MYEF2: variants seen among roughly 807,000 people sequenced by gnomAD.
MYEF2 encodes the protein myelin gene expression factor 2.
MYEF2 carries 37 observed loss-of-function variants against 75.2 expected under a neutral mutation model. The ratio of observed to expected loss-of-function variants is 0.49; its 90% confidence interval spans 0.38 to 0.65. The LOEUF (loss-of-function observed/expected upper bound fraction) is 0.65, where lower values mean the gene tolerates loss of function less well. Among genes scored for constraint, MYEF2 ranks in the 30% least tolerant of loss-of-function variants. The pLI is 0.00. For synonymous variants in MYEF2, 195 were observed against 241.6 expected, an observed-to-expected ratio of 0.81 and a Z score of 1.79; for missense variants, 634 against 771.4, an observed-to-expected ratio of 0.82 and a Z score of 2.11.
chr15:48,176,219 T>TAAAAAAAAAAAAAAAAAAAAAAAAAAAA (rs1023560411), intron 1 of MYEF2, among the ~76,000 whole-genome samples: 1 of 63,104 alleles, frequency 1.6e-5, no homozygotes, highest in Non-Finnish European at 3.5e-5. Flanking sequence ...GTTCACGAAG[T>TAAAAAAAAAAAAAAAAAAAAAAAAAAAA]AAAAAAAAAA....
intron 1 of MYEF2, among the ~76,000 whole-genome samples, chr15:48,172,503 G>A (rs1195259970): frequency 6.7e-6 from 1 of 150,116 alleles, no homozygotes; most frequent in African/African-American, 2.4e-5. Context: ...AGAAAATAAT[G>A]AAAATCAGGG....
chr15:48,141,053 C>A lies in MYEF2; in HGVS notation c.*1855G>T. On this transcript the variant is annotated 3_prime_UTR_variant, in exon 17 of 17. Coordinates refer to ENST00000324324, the MANE Select transcript of MYEF2 (RefSeq NM_016132.5). ...TTCACGAAGGAAATATCCAAAATAA[C>A]TGCAAAGGATGGTTAGTGAATCTTT... The A allele has an allele frequency of 7.4e-7, 1 of 1,357,120 alleles. No individual in the cohort carries two copies. The highest frequency in any genetic ancestry group is 1.0e-6 in the Non-Finnish European group (1 of 959,522). The allele number at this position is 1,357,120 out of a possible 1,614,324, so 84.1% of individuals were successfully genotyped here. A position where few individuals can be genotyped will look rare whatever the true frequency, so the allele number is the denominator to read the frequency against.
At chr15:48,171,676 AC>A (rs1191429606) in intron 1 of MYEF2, among the ~76,000 whole-genome samples, 2 of 152,126 alleles carry the variant, frequency 1.3e-5, no homozygotes, top group African/African-American at 4.8e-5. Context: ...TTATTAAGAA[AC>A]TGAGCCATAA....
At chr15:48,147,999 G>A (rs572627888) in intron 16 of MYEF2, among the ~76,000 whole-genome samples, 13 of 152,032 alleles carry the variant, frequency 8.6e-5, no homozygotes, top group African/African-American at 1.9e-4. Flanking sequence ...GAGCTTCCAC[G>A]TAGGATGGAA....
chr15:48,178,045 C>A, intron 1 of MYEF2, 32 bp downstream of exon 1: 1 of 1,574,056 alleles, frequency 6.4e-7, no homozygotes, highest in Non-Finnish European at 8.6e-7. Flanking sequence ...CGCCCCCCAC[C>A]TCGCCCCGGT....
Position 48,158,773 on chromosome 15 carries a change from T to G in MYEF2, c.867A>C (p.Ala289=). The G allele has an allele frequency of 6.2e-7, 1 of 1,613,458 alleles. No homozygotes were observed. Among genetic ancestry groups the G allele is most frequent in the Non-Finnish European group, 8.5e-7 (1 of 1,179,590 alleles). ...TFEQAIEAVQ[A]ISMFNGQFLF... is the part of the protein sequence containing the mutation. The stretch of plus-strand genomic sequence containing the variant: ...CTGAAATGTAAATCAGGATACAAAT[T>G]GCTTGAACTGCTTCAATTGCTTGCT... Residue 289 remains alanine, a synonymous_variant, in exon 7 of 17, where the codon GCA becomes GCC. Coordinates refer to ENST00000324324, the MANE Select transcript of MYEF2 (RefSeq NM_016132.5).
rs1384966025 is a variant in MYEF2, at chr15:48,140,694, AC to A, written c.*2213del. On this transcript the variant is annotated 3_prime_UTR_variant, in exon 17 of 17. Transcript: ENST00000324324. ...ATAAATGGTATATATACATGTTAAC[AC>A]ATTTATAGCTTAAAGATAGCTATAA... The A allele has an allele frequency of 5.8e-6, 1 of 171,196 alleles. No individual in the cohort carries two copies. The highest frequency in any genetic ancestry group is 5.7e-5 in the Admixed American group (1 of 17,630). The allele number at this position is 171,196 out of a possible 1,614,324, so 10.6% of individuals were successfully genotyped here.
At chr15:48,166,071 T>C in intron 4 of MYEF2, 45 bp from the exon 5 acceptor site, 1 of 1,577,808 alleles carries the variant, frequency 6.3e-7, no homozygotes, top group Non-Finnish European at 8.6e-7. Context: ...GTGCTAATTT[T>C]TTTCCAAAGT....
chr15:48,177,537 C>T (rs1398412770), intron 1 of MYEF2, among the ~76,000 whole-genome samples: 1 of 152,104 alleles, frequency 6.6e-6, no homozygotes. Context: ...CATTATTAAA[C>T]TTCCTCTCGG....
At position 48,142,978 on chromosome 15, in the gene MYEF2, G is replaced by C; in HGVS notation, c.1733C>G (p.Ala578Gly). ...TTTTATGCCATTCATTATTCTGCAG[G>C]CTTTTTCAGCTGATTCTGGGGAGTC... ...RFDSPESAEK[A>G]CRIMNGIKIS... Residue 578 changes from alanine (A) to glycine (G), a missense_variant, in exon 17 of 17, where the codon GCC becomes GGC. Physicochemically the swap from Ala to Gly is moderately conservative, Grantham distance 60 (BLOSUM62 0). Coordinates refer to ENST00000324324, the MANE Select transcript of MYEF2 (RefSeq NM_016132.5). The C allele has an allele frequency of 4.4e-6, 7 of 1,602,414 alleles. No individual in the cohort carries two copies. Among genetic ancestry groups the C allele is most frequent in the South Asian group, 1.1e-5 (1 of 89,342 alleles).
At chr15:48,173,845 T>A (rs964169289) in intron 1 of MYEF2, among the ~76,000 whole-genome samples, 2 of 151,964 alleles carry the variant, frequency 1.3e-5, no homozygotes, top group Non-Finnish European at 2.9e-5. Context: ...TAAAAGAAAT[T>A]GAAAATAATA....
intron 1 of MYEF2, among the ~76,000 whole-genome samples, chr15:48,171,448 TTATA>T (rs910067521): frequency 2.0e-5 from 3 of 152,160 alleles, no homozygotes; most frequent in Admixed American, 6.5e-5. Flanking sequence ...AACAGTAACA[TTATA>T]TATAATATTT....
rs1346345543 is a variant in MYEF2, at chr15:48,138,510, A to C, written c.*4398T>G. ...GGATATGCGACTTAATAAAAAAATT[A>C]TGCTATGATTATTTTATATTCTTTA... is the stretch of plus-strand genomic sequence containing the variant. On this transcript the variant is annotated 3_prime_UTR_variant, in exon 17 of 17. Transcript: ENST00000324324. 1 of 152,858 alleles carries C rather than the reference A, an allele frequency of 6.5e-6. No homozygotes were observed. The highest frequency in any genetic ancestry group is 1.5e-5 in the Non-Finnish European group (1 of 68,474). The allele number at this position is 152,858 out of a possible 1,614,324, so 9.5% of individuals were successfully genotyped here. A position where few individuals can be genotyped will look rare whatever the true frequency, so the allele number is the denominator to read the frequency against.
At chr15:48,169,676 C>T (rs1004854316) in intron 1 of MYEF2, among the ~76,000 whole-genome samples, 2 of 151,388 alleles carry the variant, frequency 1.3e-5, no homozygotes, top group Non-Finnish European at 2.9e-5. Flanking sequence ...CGACTCACTG[C>T]AACCTCCGCC....
Position 48,170,521 on chromosome 15 carries a change from A to G in MYEF2, c.162-1682T>C, listed in dbSNP as rs904244654. 1.3e-5 allele frequency among the ~76,000 whole-genome samples: 2 copies of G among 152,228 alleles called. 1 individual carries two copies. Among genetic ancestry groups the G allele is most frequent in the South Asian group, 4.1e-4 (2 of 4,836 alleles). On this transcript the variant is annotated intron_variant, in intron 1 of 16. Coordinates refer to ENST00000324324, the MANE Select transcript of MYEF2 (RefSeq NM_016132.5). ...AAGCAATTTTTCACAAACATTACTAATAATATCACTGTGGATGACACCCAG... is the reference window on the plus strand; with the variant it reads ...AAGCAATTTTTCACAAACATTACTAGTAATATCACTGTGGATGACACCCAG...
At position 48,136,613 on chromosome 15, in the gene MYEF2, C is replaced by A. The variant is rs2038906381; in HGVS notation, c.*6295G>T. 2 of 1,369,826 alleles carry A rather than the reference C, an allele frequency of 1.5e-6. No individual in the cohort carries two copies. The highest frequency in any genetic ancestry group is 2.2e-5 in the Admixed American group (1 of 45,074). The allele number at this position is 1,369,826 out of a possible 1,614,324, so 84.9% of individuals were successfully genotyped here. On this transcript the variant is annotated 3_prime_UTR_variant, in exon 17 of 17. Transcript: ENST00000324324. ...TTGTTAGAAAATCATTCAATAGATA[C>A]TGCCCAAAAGCTATCAACTCTAAAA...
chr15:48,168,808 A>C lies in MYEF2; in HGVS notation c.193T>G (p.Ser65Ala). The change falls in exon 2 of 17, where the codon TCT (serine) becomes GCT (alanine). Residue 65 changes from serine to alanine, a missense_variant. Physicochemically the swap from Ser to Ala is moderately conservative, Grantham distance 99. Transcript: ENST00000324324. Reference sequence around the variant, plus strand: ...CCTGTAGATTTTTCCTTTAAGTCAGATTTCTCTTCTTTTGCTGATTCATCA... The same window carrying C: ...CCTGTAGATTTTTCCTTTAAGTCAGCTTTCTCTTCTTTTGCTGATTCATCA... ...ENDESAKEEK[S>A]DLKEKSTGSK... 1.1e-5 allele frequency: 18 copies of C among 1,613,236 alleles called. No homozygotes were observed. The highest frequency in any genetic ancestry group is 1.4e-5 in the Non-Finnish European group (17 of 1,179,614).
intron 9 of MYEF2, among the ~76,000 whole-genome samples, chr15:48,155,160 C>T (rs1324938184): frequency 3.3e-5 from 5 of 151,484 alleles, no homozygotes; most frequent in Admixed American, 3.3e-4. Context: ...AAAGTCTAAG[C>T]CCAGCAATAA....
Position 48,135,902 on chromosome 15 carries a change from T to A in MYEF2, c.*7006A>T, listed in dbSNP as rs1366037679. The stretch of plus-strand genomic sequence containing the variant: ...CCTTCTAGAACTCAGCAGTTGTCTG[T>A]AAGGGATAGTGACTGTGAGAGTATC... On this transcript the variant is annotated 3_prime_UTR_variant, in exon 17 of 17. Coordinates refer to ENST00000324324, the MANE Select transcript of MYEF2 (RefSeq NM_016132.5). 1 of 152,112 alleles carries A rather than the reference T, an allele frequency of 6.6e-6. No homozygotes were observed. The highest frequency in any genetic ancestry group is 1.9e-4 in the East Asian group (1 of 5,190). The allele number at this position is 152,112 out of a possible 1,614,324, so 9.4% of individuals were successfully genotyped here. A position where few individuals can be genotyped will look rare whatever the true frequency, so the allele number is the denominator to read the frequency against.
Sources: gnomAD v4.1 joint callset for allele counts (sites outside exome capture counted in the v4.1 genomes callset) on GRCh38, gnomAD v4.1.1 for gene constraint, MANE v1.5 for transcripts, NCBI Gene and HGNC (gene_info 2026-07-23, HGNC 2026-07-21) for gene names.